The following CENATAC variants were observed in gnomAD, a reference collection of about 807,000 sequenced individuals.
CENATAC encodes centrosomal AT-AC splicing factor, also known as coiled-coil domain containing 84.
In CENATAC, 53 loss-of-function variants were observed where a neutral mutation model predicts 53.7. The observed-to-expected ratio is 0.99, with a 90% confidence interval of 0.79 to 1.24. CENATAC has a LOEUF of 1.24. Among genes scored for constraint, CENATAC ranks in the 50% most tolerant of loss-of-function variants. The pLI is 0.00. For synonymous variants in CENATAC, 156 were observed against 144.6 expected, an observed-to-expected ratio of 1.08 and a Z score of -0.57; for missense variants, 474 against 417.8, an observed-to-expected ratio of 1.13 and a Z score of -1.17.
intron 3 of CENATAC, chr11:119,010,442 A>G (rs1236399144): frequency 3.2e-6 from 1 of 314,512 alleles, no homozygotes; most frequent in Non-Finnish European, 5.9e-6. Flanking sequence ...TTGAACACTA[A>G]AAGGAAGAAT....
chr11:119,011,464 C>G (rs1942865830), intron 5 of CENATAC, among the ~76,000 whole-genome samples, 181 bp downstream of exon 5: 1 of 152,134 alleles, frequency 6.6e-6, no homozygotes, highest in Non-Finnish European at 1.5e-5. Flanking sequence ...ACCTCCACCT[C>G]CCAGGTTCAG....
chr11:119,012,844 A>G (rs115697864), intron 7 of CENATAC: 3,725 of 183,366 alleles, frequency 0.02, 140 homozygotes, highest in African/African-American at 0.079. Context: ...ACTTTTTCAT[A>G]AAAGGCTTAT....
chr11:119,013,300 T>G, intron 8 of CENATAC, 38 bp downstream of exon 8: 1 of 290,680 alleles, frequency 3.4e-6, no homozygotes, highest in Non-Finnish European at 5.2e-6. Flanking sequence ...CCCTGGGAGA[T>G]TTTTTTTTTT....
At position 119,010,776 on chromosome 11, in the gene CENATAC, C is replaced by G. The variant is rs782452402; in HGVS notation, c.396C>G (p.Ser132=). 1.2e-6 allele frequency: 2 copies of G among 1,613,946 alleles called. No homozygotes were observed. The highest frequency in any genetic ancestry group is 4.5e-5 in the East Asian group (2 of 44,886). ...TPQDYARFKK[S]MVKGLDSYEE... ...CTTTTCTTTTTAGATTCAAGAAATC[C>G]ATGGTGAAAGGTTTGGATTCCTATG... The change falls in exon 4 of 11, where the codon TCC becomes TCG. Residue 132 remains serine (S), a synonymous_variant. Transcript: ENST00000334418.
rs375491237 is a variant in CENATAC, at chr11:119,002,589, C to T, written c.383+3480C>T. Among the ~76,000 whole-genome samples the T allele has an allele frequency of 3.9e-5, 6 of 152,018 alleles. No individual in the cohort carries two copies. The East Asian group carries it at 9.7e-4, about 25-fold the overall frequency. ...CTGACCTCAAGTGATCCACCTGACT[C>T]GGCTTCCCAAAGTGCTAGGATTACA... On this transcript the variant is annotated intron_variant, in intron 3 of 10. Transcript: ENST00000334418.
At chr11:119,005,488 T>A (rs574516049) in intron 3 of CENATAC, among the ~76,000 whole-genome samples, 4 of 151,814 alleles carry the variant, frequency 2.6e-5, no homozygotes, top group South Asian at 4.2e-4. Flanking sequence ...AAATTTTTTT[T>A]TTTTACAATT....
intron 3 of CENATAC, among the ~76,000 whole-genome samples, chr11:119,008,919 C>A (rs1349757555): frequency 6.6e-6 from 1 of 152,146 alleles, no homozygotes; most frequent in Non-Finnish European, 1.5e-5. Flanking sequence ...GCCCTAGGTC[C>A]CTTAAACCTT....
intron 5 of CENATAC, 79 bp downstream of exon 5, chr11:119,011,362 C>A: frequency 7.7e-7 from 1 of 1,304,092 alleles, no homozygotes; most frequent in Non-Finnish European, 1.1e-6. Context: ...ATTTCATGGA[C>A]TAGTGCTTCT....
Position 118,998,995 on chromosome 11 carries a change from T to C in CENATAC, c.285-16T>C. The C allele has an allele frequency of 6.4e-7, 1 of 1,572,542 alleles. No homozygotes were observed. The highest frequency in any genetic ancestry group is 8.8e-7 in the Non-Finnish European group (1 of 1,142,178). Reference sequence around the variant, plus strand: ...TATAATCTATAGCTGAGATTACTTATCCTCTCCATTTTCAGCCCAGAGCAC... The same window carrying C: ...TATAATCTATAGCTGAGATTACTTACCCTCTCCATTTTCAGCCCAGAGCAC... On this transcript the variant is annotated splice_polypyrimidine_tract_variant and intron_variant, in intron 2 of 10. Coordinates refer to ENST00000334418, the MANE Select transcript of CENATAC (RefSeq NM_198489.3).
chr11:119,014,725 T>TAGA (rs1943063662), intron 8 of CENATAC: 1 of 279,086 alleles, frequency 3.6e-6, no homozygotes, highest in African/African-American at 2.2e-5. Flanking sequence ...GTTTGGGGTC[T>TAGA]AGATTGTAAT....
At chr11:119,003,717 C>T (rs1433218498) in intron 3 of CENATAC, 3 of 162,104 alleles carry the variant, frequency 1.9e-5, no homozygotes, top group South Asian at 2.9e-4. Flanking sequence ...CTCCTGAGTT[C>T]AAGCGATTCT....
chr11:119,000,172 CTTCT>C (rs1037407993), intron 3 of CENATAC, among the ~76,000 whole-genome samples: 7 of 152,218 alleles, frequency 4.6e-5, no homozygotes, highest in African/African-American at 1.7e-4. Context: ...TTAAGCCAAC[CTTCT>C]TTCTAAAATT....
intron 3 of CENATAC, among the ~76,000 whole-genome samples, chr11:118,999,615 C>A (rs1451486044): frequency 1.3e-5 from 2 of 152,098 alleles, no homozygotes; most frequent in South Asian, 4.1e-4. Context: ...CAAACCACCA[C>A]ACCTGGCTAA....
In CENATAC at chr11:119,014,976, C is replaced by CAAA. The variant is rs1555187415; in HGVS notation, c.716-18_716-17insAAA. The CAAA allele has an allele frequency of 1.5e-6, 2 of 1,363,740 alleles. No individual in the cohort carries two copies. The highest frequency in any genetic ancestry group is 3.5e-5 in the African/African-American group (2 of 56,408). The allele number at this position is 1,363,740 out of a possible 1,614,324, so 84.5% of individuals were successfully genotyped here. On this transcript the variant is annotated splice_polypyrimidine_tract_variant and intron_variant, in intron 8 of 10. Transcript: ENST00000334418. The stretch of plus-strand genomic sequence containing the variant: ...GAAGACTTAAAAAAAAAAAAAAAAG[C>CAAA]CTTAATTTTTTTTTCAGGTGCCACA...
chr11:119,012,305 G>C, intron 7 of CENATAC, 51 bp downstream of exon 7: 1 of 1,597,672 alleles, frequency 6.3e-7, no homozygotes, highest in African/African-American at 1.3e-5. Flanking sequence ...TCAGGTCTCA[G>C]GACCCCTTTC....
chr11:119,005,546 G>C (rs2134542293), intron 3 of CENATAC, among the ~76,000 whole-genome samples: 1 of 151,528 alleles, frequency 6.6e-6, no homozygotes, highest in African/African-American at 2.4e-5. Flanking sequence ...CTGGTCTCAG[G>C]CAATCCTCCC....
chr11:119,002,224 CAAAAAA>C (rs782664366), intron 3 of CENATAC, among the ~76,000 whole-genome samples: 157 of 49,554 alleles, frequency 3.2e-3, no homozygotes, highest in Middle Eastern at 0.021. Context: ...AACTCTGTCT[CAAAAAA>C]AAAAAAAAAA....
intron 3 of CENATAC, among the ~76,000 whole-genome samples, chr11:119,008,985 C>G (rs1942740984): frequency 6.7e-6 from 1 of 149,900 alleles, no homozygotes; most frequent in Non-Finnish European, 1.5e-5. Context: ...GTGGCTGGGT[C>G]AAAGTGGCTG....
chr11:119,015,352 C>T lies in CENATAC; in HGVS notation c.851C>T (p.Ala284Val), dbSNP rs1209660225. Residue 284 changes from alanine (A) to valine (V), a missense_variant, in exon 10 of 11, where the codon GCC becomes GTC. Physicochemically the swap from Ala to Val is moderately conservative, Grantham distance 64. Transcript: ENST00000334418. ...LKKLPPDRVGANFDHSSRTSA... is the reference protein window; with the variant it reads ...LKKLPPDRVGVNFDHSSRTSA... ...AAACTCCCCCCAGACCGAGTTGGGG[C>T]CAACTTTGATCACAGCTCCAGGACC... 1.2e-6 allele frequency: 2 copies of T among 1,614,002 alleles called. No homozygotes were observed. Among genetic ancestry groups the T allele is most frequent in the East Asian group, 4.5e-5 (2 of 44,900 alleles).
Sources: allele counts gnomAD v4.1 joint callset (sites outside exome capture counted in the v4.1 genomes callset), GRCh38; gene constraint gnomAD v4.1.1; transcripts MANE v1.5; gene names NCBI Gene and HGNC (gene_info 2026-07-23, HGNC 2026-07-21).